CTNNA3: variants seen among roughly 807,000 people sequenced by gnomAD.
CTNNA3 encodes the protein catenin alpha-3.
CTNNA3 carries 76 observed loss-of-function variants against 95.7 expected under a neutral mutation model. The ratio of observed to expected loss-of-function variants is 0.79; its 90% CI spans 0.66 to 0.96. The LOEUF is 0.96. CTNNA3 is among the 40% of genes least tolerant of loss of function. CTNNA3 has a pLI of 0.00. For synonymous variants in CTNNA3, 431 were observed against 374.4 expected, an observed-to-expected ratio of 1.15 and a Z score of -1.74; for missense variants, 1,191 against 1,089.8, an observed-to-expected ratio of 1.09 and a Z score of -1.31.
chr10:66,667,544 A>AT (rs999408784), intron 9 of CTNNA3, among the ~76,000 whole-genome samples: 13 of 151,388 alleles, frequency 8.6e-5, no homozygotes, highest in South Asian at 2.1e-4. Context: ...ATAGTTTTCT[A>AT]TTTTTTTTTA....
chr10:65,965,663 G>T (rs982730131), intron 17 of CTNNA3, among the ~76,000 whole-genome samples: 1 of 151,754 alleles, frequency 6.6e-6, no homozygotes, highest in Non-Finnish European at 1.5e-5. Context: ...CCAAAGCGCT[G>T]GGATTATAGG....
chr10:66,551,927 G>C (rs1423445970), intron 10 of CTNNA3, among the ~76,000 whole-genome samples: 1 of 124,792 alleles, frequency 8.0e-6, no homozygotes, highest in Non-Finnish European at 1.6e-5. Context: ...TTCTGAGACA[G>C]AGTCTCGCTC....
chr10:67,113,627 C>T (rs207471118), intron 7 of CTNNA3, among the ~76,000 whole-genome samples: 2 of 152,212 alleles, frequency 1.3e-5, no homozygotes, highest in East Asian at 3.9e-4. Flanking sequence ...CCTTATTCTG[C>T]CACCCAGGCT....
At chr10:66,895,447 C>T (rs7072747) in intron 7 of CTNNA3, among the ~76,000 whole-genome samples, 45,287 of 151,942 alleles carry the variant, frequency 0.3, 7,935 homozygotes, top group East Asian at 0.47. Flanking sequence ...GTTCATTAAG[C>T]GGGAAAATGT....
intron 11 of CTNNA3, among the ~76,000 whole-genome samples, chr10:66,489,982 G>A (rs193264387): frequency 4.6e-5 from 7 of 152,312 alleles, no homozygotes; most frequent in African/African-American, 1.2e-4. Flanking sequence ...CAATGTTGGC[G>A]AAGGCATATT....
Position 67,579,004 on chromosome 10 carries a change from T to C in CTNNA3, c.292+27853A>G, listed in dbSNP as rs1006716517. 3.7e-4 allele frequency among the ~76,000 whole-genome samples: 24 copies of C among 64,226 alleles called. 1 individual carries two copies. The East Asian group carries it at 0.027, about 72-fold the overall frequency. The allele number at this position is 64,226 out of a possible 152,430, so 42.1% of individuals were successfully genotyped here. ...ACCCACCTGATCATAGTGATATATA[T>C]ATATATATATATATATATATATATA... On this transcript the variant is annotated intron_variant, in intron 3 of 17. Transcript: ENST00000433211.
chr10:65,988,665 T>C, intron 16 of CTNNA3, 27 bp downstream of exon 16: 3 of 1,573,586 alleles, frequency 1.9e-6, no homozygotes, highest in Non-Finnish European at 2.6e-6. Flanking sequence ...CATGAACTTT[T>C]ATGATGTCCA....
chr10:66,210,016 G>A (rs34728506), intron 13 of CTNNA3, among the ~76,000 whole-genome samples: 9,387 of 151,960 alleles, frequency 0.062, 380 homozygotes, highest in Non-Finnish European at 0.096. Context: ...TCTGGCTCTC[G>A]GATCTTAAAA....
At chr10:66,912,064 T>C (rs1387596966) in intron 7 of CTNNA3, among the ~76,000 whole-genome samples, 1 of 152,052 alleles carries the variant, frequency 6.6e-6, no homozygotes, top group Non-Finnish European at 1.5e-5. Context: ...AGAGAAGAAA[T>C]TTTACATTAC....
chr10:67,535,785 G>C (rs1055948215), intron 4 of CTNNA3, among the ~76,000 whole-genome samples: 4 of 150,662 alleles, frequency 2.7e-5, no homozygotes, highest in African/African-American at 9.9e-5. Context: ...TAGCAAATTA[G>C]AAATTCAGTC....
chr10:66,405,398 A>T (rs1403765440), intron 11 of CTNNA3, among the ~76,000 whole-genome samples: 1 of 152,196 alleles, frequency 6.6e-6, no homozygotes, highest in Non-Finnish European at 1.5e-5. Context: ...CTAATAAATT[A>T]TTTAAGAAAA....
At chr10:67,283,099 T>C (rs372980628) in intron 5 of CTNNA3, among the ~76,000 whole-genome samples, 5 of 152,204 alleles carry the variant, frequency 3.3e-5, no homozygotes, top group African/African-American at 1.2e-4. Context: ...CAGACAGGAC[T>C]TGCTGGGTTT....
intron 13 of CTNNA3, among the ~76,000 whole-genome samples, chr10:66,273,216 T>G (rs2091320028): frequency 6.6e-6 from 1 of 152,134 alleles, no homozygotes; most frequent in African/African-American, 2.4e-5. Context: ...GGGGTCATCA[T>G]GAAGTAAAAT....
chr10:66,640,269 T>C (rs2394259), intron 9 of CTNNA3, among the ~76,000 whole-genome samples: 100,525 of 151,306 alleles, frequency 0.66, 34,316 homozygotes, highest in East Asian at 0.95. Flanking sequence ...TAACTGCTAT[T>C]GACCACTCAT....
At chr10:66,006,558 C>A (rs202114651) in intron 15 of CTNNA3, among the ~76,000 whole-genome samples, 1 of 152,138 alleles carries the variant, frequency 6.6e-6, no homozygotes, top group East Asian at 1.9e-4. Flanking sequence ...AATACCATCA[C>A]ACTCTCTGAC....
chr10:67,644,030 A>C (rs1158892905), intron 2 of CTNNA3, among the ~76,000 whole-genome samples: 1 of 152,068 alleles, frequency 6.6e-6, no homozygotes, highest in African/African-American at 2.4e-5. Flanking sequence ...ATGATTTATA[A>C]TCCTTTGGAT....
At chr10:66,513,894 A>C (rs1840747991) in intron 11 of CTNNA3, among the ~76,000 whole-genome samples, 1 of 151,906 alleles carries the variant, frequency 6.6e-6, no homozygotes, top group East Asian at 1.9e-4. Context: ...GGTAACAGAG[A>C]CCCTGTGGCA....
chr10:67,023,454 T>C (rs2133081529), intron 7 of CTNNA3, among the ~76,000 whole-genome samples: 1 of 152,264 alleles, frequency 6.6e-6, no homozygotes, highest in African/African-American at 2.4e-5. Flanking sequence ...ATGGATCTTC[T>C]ATAGAGAACG....
At chr10:66,342,014 GATA>G (rs1288227652) in intron 12 of CTNNA3, among the ~76,000 whole-genome samples, 3 of 151,520 alleles carry the variant, frequency 2.0e-5, no homozygotes, top group African/African-American at 7.3e-5. Flanking sequence ...TTATTTTACA[GATA>G]ATGAGTTTGA....
Sources: allele counts gnomAD v4.1 joint callset (sites outside exome capture counted in the v4.1 genomes callset), GRCh38; gene constraint gnomAD v4.1.1; transcripts MANE v1.5; gene names NCBI Gene and HGNC (gene_info 2026-07-23, HGNC 2026-07-21).